The following SNTG1 variants were observed in gnomAD, a reference collection of about 807,000 sequenced individuals.
SNTG1 encodes the protein gamma-1-syntrophin.
SNTG1 carries 39 observed loss-of-function variants against 74.7 expected under a neutral mutation model. The observed-to-expected ratio is 0.52, with a 90% CI of 0.40 to 0.68. The LOEUF (loss-of-function observed/expected upper bound fraction) is 0.68. Ranked by LOEUF, SNTG1 falls within the 30% of genes least tolerant of loss-of-function variation. The pLI, the probability that SNTG1 is intolerant of heterozygous loss-of-function variation, is 0.00. For synonymous variants in SNTG1, 254 were observed against 217.1 expected (o/e 1.17, Z -1.49); for missense variants, 685 against 609.5 (o/e 1.12, Z -1.30).
chr8:50,567,636 C>G (rs1037475682), intron 12 of SNTG1, among the ~76,000 whole-genome samples: 2 of 151,924 alleles, frequency 1.3e-5, no homozygotes, highest in African/African-American at 4.8e-5. Context: ...CATTTGCTAA[C>G]TATATTTCAG....
intron 8 of SNTG1, among the ~76,000 whole-genome samples, chr8:50,453,732 A>G (rs6984653): frequency 6.6e-6 from 1 of 152,216 alleles, no homozygotes; most frequent in Admixed American, 6.5e-5. Context: ...ACCAAATGCC[A>G]CCGCTCACAT....
At chr8:49,923,877 G>A (rs1806785754) in intron 1 of SNTG1, among the ~76,000 whole-genome samples, 1 of 152,140 alleles carries the variant, frequency 6.6e-6, no homozygotes, top group Admixed American at 6.6e-5. Context: ...GCAGCTGCAA[G>A]TTTTAATGAC....
intron 1 of SNTG1, among the ~76,000 whole-genome samples, chr8:49,992,755 T>C (rs913045594): frequency 6.6e-6 from 1 of 152,222 alleles, no homozygotes; most frequent in Non-Finnish European, 1.5e-5. Context: ...TATTTAGTAA[T>C]GGACCTCTTG....
chr8:50,675,167 G>A (rs1319736961), intron 15 of SNTG1, among the ~76,000 whole-genome samples: 1 of 152,114 alleles, frequency 6.6e-6, no homozygotes, highest in Non-Finnish European at 1.5e-5. Context: ...GAGTTCTGTA[G>A]ATGTCTATTA....
intron 2 of SNTG1, among the ~76,000 whole-genome samples, chr8:50,386,224 C>T (rs2092571635): frequency 1.3e-5 from 2 of 152,056 alleles, no homozygotes; most frequent in Non-Finnish European, 2.9e-5. Flanking sequence ...TGGCCTTACC[C>T]TGAGATGGAC....
chr8:50,377,800 A>C (rs1375009342), intron 2 of SNTG1, among the ~76,000 whole-genome samples: 2 of 152,208 alleles, frequency 1.3e-5, no homozygotes, highest in Non-Finnish European at 2.9e-5. Context: ...GACTGCAGTT[A>C]TTTTGATTTT....
chr8:50,148,893 T>C (rs892389008), intron 1 of SNTG1, among the ~76,000 whole-genome samples: 3 of 152,246 alleles, frequency 2.0e-5, no homozygotes, highest in Admixed American at 6.5e-5. Flanking sequence ...GCATGATTTA[T>C]AATCCTTTGG....
intron 4 of SNTG1, among the ~76,000 whole-genome samples, chr8:50,412,116 A>G (rs369928990): frequency 1.1e-4 from 16 of 152,186 alleles, no homozygotes; most frequent in Non-Finnish European, 2.4e-4. Flanking sequence ...TTTGTGAAAT[A>G]CATTGCTAGG....
chr8:50,231,957 A>T (rs2085651243), intron 2 of SNTG1, among the ~76,000 whole-genome samples: 1 of 151,386 alleles, frequency 6.6e-6, no homozygotes, highest in South Asian at 2.1e-4. Flanking sequence ...TTGAACTGTC[A>T]TGCCACTTTG....
At chr8:50,322,422 T>C (rs2090568269) in intron 2 of SNTG1, among the ~76,000 whole-genome samples, 1 of 152,164 alleles carries the variant, frequency 6.6e-6, no homozygotes, top group African/African-American at 2.4e-5. Flanking sequence ...CTCCATTGTA[T>C]GCTATTTGTT....
At chr8:50,322,538 T>C (rs1277128727) in intron 2 of SNTG1, among the ~76,000 whole-genome samples, 1 of 152,190 alleles carries the variant, frequency 6.6e-6, no homozygotes, top group Non-Finnish European at 1.5e-5. Context: ...CTGCTGGTGT[T>C]CTATAATCTT....
intron 12 of SNTG1, among the ~76,000 whole-genome samples, chr8:50,580,344 G>T (rs965876410): frequency 3.9e-5 from 6 of 152,178 alleles, no homozygotes; most frequent in Non-Finnish European, 7.3e-5. Flanking sequence ...TGTCTCAGAT[G>T]AAGCTTTGGA....
At chr8:50,075,471 C>G (rs1174958056) in intron 1 of SNTG1, among the ~76,000 whole-genome samples, 1 of 152,230 alleles carries the variant, frequency 6.6e-6, no homozygotes, top group Non-Finnish European at 1.5e-5. Context: ...ACTTTTGTGT[C>G]TAACTCAGGG....
chr8:49,985,876 C>G (rs1044963226), intron 1 of SNTG1, among the ~76,000 whole-genome samples: 1 of 152,044 alleles, frequency 6.6e-6, no homozygotes, highest in African/African-American at 2.4e-5. Flanking sequence ...CTTAGTAAAT[C>G]TGATATGACC....
At chr8:50,627,755 A>G (rs190657707) in intron 13 of SNTG1, among the ~76,000 whole-genome samples, 1 of 152,212 alleles carries the variant, frequency 6.6e-6, no homozygotes, top group Non-Finnish European at 1.5e-5. Flanking sequence ...TGAATAGCAG[A>G]TGGAAGAAAT....
chr8:50,412,579 C>T (rs948427272), intron 4 of SNTG1, among the ~76,000 whole-genome samples: 22 of 152,156 alleles, frequency 1.4e-4, no homozygotes, highest in Admixed American at 1.2e-3. Flanking sequence ...TAACATGACA[C>T]ATGATACAAT....
At chr8:50,238,584 A>G (rs1284429656) in intron 2 of SNTG1, among the ~76,000 whole-genome samples, 1 of 152,186 alleles carries the variant, frequency 6.6e-6, no homozygotes, top group Non-Finnish European at 1.5e-5. Context: ...TATTTCTGGC[A>G]AAGATATCAT....
At chr8:50,234,708 C>T (rs1482926944) in intron 2 of SNTG1, among the ~76,000 whole-genome samples, 1 of 151,962 alleles carries the variant, frequency 6.6e-6, no homozygotes, top group Non-Finnish European at 1.5e-5. Context: ...CTAAATATTG[C>T]TACTATTAGT....
At chr8:50,394,656 T>C (rs2092704568) in intron 3 of SNTG1, among the ~76,000 whole-genome samples, 1 of 152,138 alleles carries the variant, frequency 6.6e-6, no homozygotes, top group South Asian at 2.1e-4. Flanking sequence ...TTTAAGTAAT[T>C]CAATATTATT....
Sources: gnomAD v4.1 joint callset for allele counts (sites outside exome capture counted in the v4.1 genomes callset) on GRCh38, gnomAD v4.1.1 for gene constraint, MANE v1.5 for transcripts, NCBI Gene and HGNC (gene_info 2026-07-23, HGNC 2026-07-21) for gene names.